Variants in PARM1 observed in about 807,000 individuals in gnomAD.
PARM1 encodes the protein WSC4, cell wall integrity and stress response component 4 homolog.
In PARM1, 14 loss-of-function variants were observed where a neutral mutation model predicts 24.6. The ratio of observed to expected loss-of-function variants is 0.57; its 90% confidence interval spans 0.38 to 0.89. The LOEUF (loss-of-function observed/expected upper bound fraction) is 0.89. PARM1 is among the 40% of genes least tolerant of loss of function. The pLI is 0.00. For synonymous variants in PARM1, 179 were observed against 156.6 expected (o/e 1.14, Z -1.07); for missense variants, 362 against 380.4 (o/e 0.95, Z 0.40).
intron 1 of PARM1, among the ~76,000 whole-genome samples, chr4:74,955,426 A>G (rs1721610399): frequency 6.6e-6 from 1 of 152,232 alleles, no homozygotes; most frequent in Non-Finnish European, 1.5e-5. Context: ...AATGAGCATC[A>G]GGAAGCCCAC....
chr4:74,972,476 A>G (rs961555786), intron 1 of PARM1, among the ~76,000 whole-genome samples: 1 of 152,238 alleles, frequency 6.6e-6, no homozygotes, highest in Admixed American at 6.5e-5. Flanking sequence ...ATCTAAGTCA[A>G]CACGTTTCTG....
chr4:74,934,711 G>A (rs1159447917), intron 1 of PARM1, among the ~76,000 whole-genome samples: 1 of 152,182 alleles, frequency 6.6e-6, no homozygotes, highest in African/African-American at 2.4e-5. Context: ...CGGAGCTCCC[G>A]GCTGGCTGCG....
intron 1 of PARM1, among the ~76,000 whole-genome samples, chr4:74,934,996 CTTT>C (rs11392364): frequency 6.0e-5 from 7 of 116,558 alleles, no homozygotes; most frequent in South Asian, 3.1e-4. Context: ...GCTCTTTTTT[CTTT>C]TTTTTTTTTT....
At chr4:75,015,883 G>A (rs143582328) in intron 2 of PARM1, among the ~76,000 whole-genome samples, 3 of 152,288 alleles carry the variant, frequency 2.0e-5, no homozygotes, top group African/African-American at 7.2e-5. Flanking sequence ...GCAACATTCT[G>A]TTGGTTTGCG....
At chr4:74,965,350 G>C (rs1721876377) in intron 1 of PARM1, 1 of 152,168 alleles carries the variant, frequency 6.6e-6, no homozygotes, top group South Asian at 2.1e-4. Context: ...AGAAAAAGTG[G>C]GGATCTGGGG....
At chr4:75,014,526 C>T (rs1224233961) in intron 2 of PARM1, among the ~76,000 whole-genome samples, 1 of 152,084 alleles carries the variant, frequency 6.6e-6, no homozygotes, top group African/African-American at 2.4e-5. Context: ...TTGACCATGC[C>T]ATCAGGAGCA....
chr4:74,944,578 G>T (rs1328856367), intron 1 of PARM1, among the ~76,000 whole-genome samples: 1 of 152,064 alleles, frequency 6.6e-6, no homozygotes, highest in African/African-American at 2.4e-5. Context: ...CATGTTCTCC[G>T]AGTGAAATGA....
intron 1 of PARM1, chr4:74,967,462 A>C (rs1374453983): frequency 6.6e-6 from 1 of 152,158 alleles, no homozygotes; most frequent in African/African-American, 2.4e-5. Flanking sequence ...GACACCTTAG[A>C]GTTGTGTCTG....
chr4:75,017,537 C>G (rs1723011144), intron 2 of PARM1, among the ~76,000 whole-genome samples: 1 of 152,088 alleles, frequency 6.6e-6, no homozygotes, highest in African/African-American at 2.4e-5. Context: ...CCTTTACTCA[C>G]TCCCCCATCT....
intron 2 of PARM1, among the ~76,000 whole-genome samples, chr4:75,027,843 C>T (rs1723211381): frequency 6.6e-6 from 1 of 152,200 alleles, no homozygotes; most frequent in Non-Finnish European, 1.5e-5. Context: ...GCCCTGATTC[C>T]TGGGCAGCTA....
At chr4:75,015,006 A>G (rs573893140) in intron 2 of PARM1, among the ~76,000 whole-genome samples, 2 of 152,072 alleles carry the variant, frequency 1.3e-5, no homozygotes, top group South Asian at 4.2e-4. Context: ...CAGTGACCAC[A>G]TTTTTTTTCT....
Position 75,049,941 on chromosome 4 carries a change from T to C in PARM1, c.*3694T>C, listed in dbSNP as rs1187859488. On this transcript the variant is annotated 3_prime_UTR_variant, in exon 4 of 4. Coordinates refer to ENST00000307428, the MANE Select transcript of PARM1 (RefSeq NM_015393.4). ...TAGTGCTAGTTGATATTGGTAATAA[T>C]GCTAACCAAGAGATCAATGCCAGAT... 1 of 149,624 alleles carries C rather than the reference T, an allele frequency of 6.7e-6. No homozygotes were observed. Among genetic ancestry groups the C allele is most frequent in the Admixed American group, 6.7e-5 (1 of 14,864 alleles). 9.3% of individuals were successfully genotyped at this position (149,624 alleles called of 1,614,324 possible).
intron 2 of PARM1, among the ~76,000 whole-genome samples, chr4:75,022,669 C>T (rs1337077281): frequency 6.6e-6 from 1 of 152,136 alleles, no homozygotes; most frequent in Admixed American, 6.5e-5. Flanking sequence ...TGGGATTTAA[C>T]TTATAGATAC....
chr4:74,936,218 T>C (rs1205475388), intron 1 of PARM1, among the ~76,000 whole-genome samples: 1 of 152,168 alleles, frequency 6.6e-6, no homozygotes, highest in African/African-American at 2.4e-5. Flanking sequence ...ACTAGATGTC[T>C]ATTCTATAAA....
At position 75,038,847 on chromosome 4, in the gene PARM1, G is replaced by T. The variant is rs1723420073; in HGVS notation, c.848+4886G>T. On this transcript the variant is annotated intron_variant, in intron 3 of 3. Coordinates refer to ENST00000307428, the MANE Select transcript of PARM1 (RefSeq NM_015393.4). ...GCCAAGACATAATCTCCCTGCACAG[G>T]AGACCGTATCTGCTAAGACCAGTGA... Among the ~76,000 whole-genome samples, 3 of 152,188 alleles carry T rather than the reference G, an allele frequency of 2.0e-5. No homozygotes were observed. In the South Asian group the frequency reaches 6.2e-4, roughly 32 times the overall value.
intron 2 of PARM1, among the ~76,000 whole-genome samples, chr4:75,013,749 T>C (rs1722926000): frequency 6.6e-6 from 1 of 152,266 alleles, no homozygotes; most frequent in Non-Finnish European, 1.5e-5. Context: ...CACTGATATA[T>C]TTCAAGGGAA....
intron 3 of PARM1, among the ~76,000 whole-genome samples, chr4:75,042,999 G>A (rs1723528123): frequency 6.6e-6 from 1 of 151,314 alleles, no homozygotes; most frequent in South Asian, 2.1e-4. Context: ...TTTTACTAGT[G>A]TTTGTATAGG....
rs116599128 is a variant in PARM1, at chr4:75,033,221, T to C, written c.770-662T>C. ...ACCTATCAGACCAGACCTTATTCTA[T>C]ATATCAAACTTCACTTTAGTCTCTA... On this transcript the variant is annotated intron_variant, in intron 2 of 3. Coordinates refer to ENST00000307428, the MANE Select transcript of PARM1 (RefSeq NM_015393.4). Among the ~76,000 whole-genome samples the C allele has an allele frequency of 4.2e-3, 644 of 152,336 alleles. 6 individuals carry two copies. Among genetic ancestry groups the C allele is most frequent in the Middle Eastern group, 0.017 (5 of 294 alleles).
At chr4:74,979,456 G>T (rs1172190329) in intron 1 of PARM1, among the ~76,000 whole-genome samples, 1 of 152,130 alleles carries the variant, frequency 6.6e-6, no homozygotes, top group African/African-American at 2.4e-5. Context: ...CTGTGAAATT[G>T]AGGCAGAAAT....
Sources: gnomAD v4.1 joint callset for allele counts (sites outside exome capture counted in the v4.1 genomes callset) on GRCh38, gnomAD v4.1.1 for gene constraint, MANE v1.5 for transcripts, NCBI Gene and HGNC (gene_info 2026-07-23, HGNC 2026-07-21) for gene names.